The following PSMB9 variants were observed in gnomAD, a reference collection of about 807,000 sequenced individuals.
PSMB9 encodes the protein proteasome 20S subunit beta 9, also known as proteasome subunit beta type-9.
Under a neutral mutation model 26.9 loss-of-function variants are expected in PSMB9, and 16 were observed. The observed-to-expected ratio is 0.59, with a 90% CI of 0.40 to 0.90. PSMB9 has a LOEUF of 0.90. Ranked by LOEUF, PSMB9 falls within the 40% of genes least tolerant of loss-of-function variation. The probability of loss-of-function intolerance (pLI) is 0.00; values close to 1 mark genes in which losing one functional copy is unlikely to be tolerated. For synonymous variants in PSMB9, 91 were observed against 112.0 expected (o/e 0.81, Z 1.18); for missense variants, 253 against 292.2 (o/e 0.87, Z 0.98).
chr6:32,856,140 C>G lies in PSMB9; in HGVS notation c.63C>G (p.Thr21=), dbSNP rs2127397491. The G allele has an allele frequency of 6.2e-7, 1 of 1,612,724 alleles. No individual in the cohort carries two copies. Among genetic ancestry groups the G allele is most frequent in the Middle Eastern group, 1.6e-4 (1 of 6,062 alleles). The change falls in exon 2 of 6, where the codon ACC becomes ACG. Residue 21 remains threonine (T), a splice_region_variant and synonymous_variant. Transcript: ENST00000374859. Reference sequence around the variant, plus strand: ...TTCCATATTCTGTGTCTCTGCAGACCACCATCATGGCAGTGGAGTTTGACG... The same window carrying G: ...TTCCATATTCTGTGTCTCTGCAGACGACCATCATGGCAGTGGAGTTTGACG... ...LPRAGEVHTG[T]TIMAVEFDGG... is the part of the protein sequence containing the mutation.
intron 1 of PSMB9, 131 bp from the exon 2 acceptor site, chr6:32,856,007 G>A (rs1771144355): frequency 4.1e-6 from 3 of 733,482 alleles, no homozygotes; most frequent in East Asian, 5.5e-5. Context: ...TGTACTGACA[G>A]TCAGCTCTGG....
chr6:32,856,422 A>C (rs1211282329), intron 2 of PSMB9: 1 of 579,586 alleles, frequency 1.7e-6, no homozygotes, highest in Non-Finnish European at 3.1e-6. Flanking sequence ...GACCTGTCCC[A>C]GTAGTGTACA....
Position 32,859,534 on chromosome 6 carries a change from C to A in PSMB9, c.*2C>A, listed in dbSNP as rs759938402. 9 of 1,613,048 alleles carry A rather than the reference C, an allele frequency of 5.6e-6. No homozygotes were observed. In the East Asian group the frequency reaches 6.7e-5, roughly 12 times the overall value. ...CTGCCAAAATTCTATGATGAGTGAA[C>A]CTTCCCCAGACTTCTCTTTCTTATT... is the stretch of plus-strand genomic sequence containing the variant. On this transcript the variant is annotated 3_prime_UTR_variant, in exon 6 of 6. Coordinates refer to ENST00000374859, the MANE Select transcript of PSMB9 (RefSeq NM_002800.5).
At chr6:32,857,520 C>A in intron 3 of PSMB9, 126 bp downstream of exon 3, 3 of 1,209,170 alleles carry the variant, frequency 2.5e-6, no homozygotes, top group East Asian at 2.7e-5. Context: ...TCGGCTCTTG[C>A]TGGCACTTGA....
Position 32,854,350 on chromosome 6 carries a change from C to A in PSMB9, c.60+61C>A. The A allele has an allele frequency of 7.1e-7, 1 of 1,408,432 alleles. No individual in the cohort carries two copies. 87.2% of individuals were successfully genotyped at this position (1,408,432 alleles called of 1,614,324 possible). ...GGAGGAGATGCAGCGGCCAGGGGAC[C>A]CTGGAAGCGCGCGCGGAGAAGTGAA... On this transcript the variant is annotated intron_variant, in intron 1 of 5. Coordinates refer to ENST00000374859, the MANE Select transcript of PSMB9 (RefSeq NM_002800.5). This position sits in a 1 kb window ranked among gnomAD's most constrained non-coding sequence, Gnocchi z 4.6.
intron 5 of PSMB9, 85 bp from the exon 6 acceptor site, chr6:32,859,320 G>C (rs2127400400): frequency 7.0e-7 from 1 of 1,432,968 alleles, no homozygotes; most frequent in East Asian, 2.4e-5. Context: ...AGTGGTAGTA[G>C]GCATATGGAT....
intron 3 of PSMB9, chr6:32,857,622 T>A (rs943741395): frequency 1.1e-5 from 6 of 537,934 alleles, no homozygotes; most frequent in Non-Finnish European, 1.6e-5. Context: ...TGAACACAGT[T>A]TAAAAGCTGT....
chr6:32,857,947 A>G (rs937347938), intron 3 of PSMB9, 58 bp from the exon 4 acceptor site: 1 of 1,603,788 alleles, frequency 6.2e-7, no homozygotes, highest in Non-Finnish European at 8.5e-7. Context: ...TGATGGTAAC[A>G]GTATAGGAGA....
chr6:32,859,361 A>G, intron 5 of PSMB9, 44 bp from the exon 6 acceptor site: 1 of 1,557,692 alleles, frequency 6.4e-7, no homozygotes, highest in Non-Finnish European at 8.7e-7. Context: ...TTTGAAGCTA[A>G]GCCATCCTCT....
At chr6:32,856,981 T>C (rs1479416087) in intron 2 of PSMB9, 12 of 230,816 alleles carry the variant, frequency 5.2e-5, no homozygotes, top group Middle Eastern at 1.4e-3. Flanking sequence ...TGGGCAGATA[T>C]TTGAGGTCAG....
In PSMB9 at chr6:32,854,310, G is replaced by A; in HGVS notation, c.60+21G>A. Reference sequence around the variant, plus strand: ...CCGGGGTAATGGGTCTGGGCTTGAGGGTTGGCAGAGGGGTGGAGGAGATGC... The same window carrying A: ...CCGGGGTAATGGGTCTGGGCTTGAGAGTTGGCAGAGGGGTGGAGGAGATGC... On this transcript the variant is annotated intron_variant, in intron 1 of 5. Transcript: ENST00000374859. The surrounding 1 kb of genome is among the most constrained non-coding windows in gnomAD (Gnocchi z 4.6). 6.8e-7 allele frequency: 1 copy of A among 1,466,490 alleles called. No homozygotes were observed. The highest frequency in any genetic ancestry group is 9.0e-7 in the Non-Finnish European group (1 of 1,110,656). 90.8% of individuals were successfully genotyped at this position (1,466,490 alleles called of 1,614,324 possible).
At chr6:32,856,038 G>T in intron 1 of PSMB9, 100 bp from the exon 2 acceptor site, 1 of 1,057,818 alleles carries the variant, frequency 9.5e-7, no homozygotes, top group East Asian at 2.5e-5. Context: ...TGTAATCTTT[G>T]AGCCAGTCAC....
At chr6:32,857,218 A>AAGC (rs1554248693) in intron 2 of PSMB9, 45 bp from the exon 3 acceptor site, 78 of 1,426,742 alleles carry the variant, frequency 5.5e-5, no homozygotes, top group Admixed American at 1.6e-4. Context: ...AAAAAAAAAA[A>AAGC]AAACCTGAGT....
In PSMB9 at chr6:32,858,576, A is replaced by G. The variant is rs757830236; in HGVS notation, c.532+71A>G. The G allele has an allele frequency of 5.0e-6, 8 of 1,602,032 alleles. No homozygotes were observed. The highest frequency in any genetic ancestry group is 1.1e-5 in the South Asian group (1 of 90,810). ...GGGAAGGAAGTAGATTATGAGGAACAGGAAGAGAAATACAGGGGTGGCCAT... is the reference window on the plus strand; with the variant it reads ...GGGAAGGAAGTAGATTATGAGGAACGGGAAGAGAAATACAGGGGTGGCCAT... On this transcript the variant is annotated intron_variant, in intron 5 of 5. Transcript: ENST00000374859. This position sits in a 1 kb window ranked among gnomAD's most constrained non-coding sequence, Gnocchi z 5.2.
Position 32,858,504 on chromosome 6 carries a change from C to G in PSMB9, c.531C>G (p.Asp177Glu). 1 of 1,612,806 alleles carries G rather than the reference C, an allele frequency of 6.2e-7. No homozygotes were observed. Among genetic ancestry groups the G allele is most frequent in the Non-Finnish European group, 8.5e-7 (1 of 1,180,000 alleles). Residue 177 changes from aspartate to glutamate, a missense_variant and splice_region_variant, in exon 5 of 6, where the codon GAC becomes GAG. Transcript: ENST00000374859. The surrounding 1 kb of genome is among the most constrained non-coding windows in gnomAD (Gnocchi z 5.2). ...AGGAGTGCAGGCGCTTCACCACAGA[C>G]GGTAACCAGCCAAGTGGAAGGGTAC... The part of the protein sequence containing the change: ...SPEECRRFTT[D>E]AIALAMSRDG...
rs1301502017 is a variant in PSMB9 at position 32,857,356 on chromosome 6, C to T, written c.222C>T (p.Ala74=). 3.1e-6 allele frequency: 5 copies of T among 1,612,628 alleles called. No individual in the cohort carries two copies. The highest frequency in any genetic ancestry group is 1.1e-5 in the South Asian group (1 of 91,074). Reference sequence around the variant, plus strand: ...CTGGTTCAGCTGCTGATGCCCAAGCCGTGGCCGACATGGCCGCCTACCAGC... The same window carrying T: ...CTGGTTCAGCTGCTGATGCCCAAGCTGTGGCCGACATGGCCGCCTACCAGC... The part of the protein sequence containing the change: ...ALSGSAADAQ[A]VADMAAYQLE... The change falls in exon 3 of 6, where the codon GCC becomes GCT. Residue 74 remains alanine, a synonymous_variant. Coordinates refer to ENST00000374859, the MANE Select transcript of PSMB9 (RefSeq NM_002800.5).
chr6:32,858,799 C>A lies in PSMB9; in HGVS notation c.532+294C>A. 1 of 485,540 alleles carries A rather than the reference C, an allele frequency of 2.1e-6. No individual in the cohort carries two copies. The highest frequency in any genetic ancestry group is 3.7e-6 in the Non-Finnish European group (1 of 267,822). 30.1% of individuals were successfully genotyped at this position (485,540 alleles called of 1,614,324 possible). ...CCTGTAATGCCAACAATTTGGGAGG[C>A]TGAGGCAGGAGGATTACTTGAGCCC... On this transcript the variant is annotated intron_variant, in intron 5 of 5. Coordinates refer to ENST00000374859, the MANE Select transcript of PSMB9 (RefSeq NM_002800.5). The surrounding 1 kb of genome is among the most constrained non-coding windows in gnomAD (Gnocchi z 5.2).
In PSMB9 at chr6:32,859,587, C is replaced by CTA. The variant is rs9282320; in HGVS notation, c.*56_*57insAT. ...GTAATAAACTCTCTAGGGCCAAAAC[C>CTA]TGGTATGGTCATTGGGAAATGAGTG... On this transcript the variant is annotated 3_prime_UTR_variant, in exon 6 of 6. Coordinates refer to ENST00000374859, the MANE Select transcript of PSMB9 (RefSeq NM_002800.5). 0.2 allele frequency: 315,885 copies of CTA among 1,581,548 alleles called. 34,584 individuals carry two copies. Among genetic ancestry groups the CTA allele is most frequent in the Non-Finnish European group, 0.22 (255,453 of 1,159,080 alleles).
In PSMB9 at chr6:32,857,214, A is replaced by AC. The variant is rs751496209; in HGVS notation, c.129-49_129-48insC. The AC allele has an allele frequency of 7.5e-4, 1,139 of 1,515,968 alleles. 10 individuals carry two copies. In the African/African-American group the frequency reaches 0.015, roughly 19 times the overall value. The allele number at this position is 1,515,968 out of a possible 1,614,324, so 93.9% of individuals were successfully genotyped here. Reference sequence around the variant, plus strand: ...AGACTGTCTCAAAAAAAAAAAAAAAAAAAAAAACCTGAGTTTTAACTTGGT... The same window carrying AC: ...AGACTGTCTCAAAAAAAAAAAAAAAACAAAAAAACCTGAGTTTTAACTTGGT... On this transcript the variant is annotated intron_variant, in intron 2 of 5. Transcript: ENST00000374859.
Sources: gnomAD v4.1 joint callset for allele counts on GRCh38, gnomAD v4.1.1 for gene constraint, Gnocchi (gnomAD v3.1) non-coding constraint, MANE v1.5 for transcripts, NCBI Gene and HGNC (gene_info 2026-07-23, HGNC 2026-07-21) for gene names.